CD33: variants seen among roughly 807,000 people sequenced by gnomAD.
CD33 encodes the protein myeloid cell surface antigen CD33.
CD33 carries 25 observed loss-of-function variants against 31.4 expected under a neutral mutation model. The observed-to-expected ratio is 0.80, with a 90% CI of 0.58 to 1.11. CD33 has a LOEUF of 1.11. Ranked by LOEUF, CD33 falls within the 50% of genes most tolerant of loss-of-function variation. The probability of loss-of-function intolerance (pLI) is 0.00; values close to 1 mark genes in which losing one functional copy is unlikely to be tolerated. For missense variants in CD33, 407 were observed against 448.1 expected (o/e 0.91, Z 0.83); for synonymous variants, 176 against 180.6 (o/e 0.97, Z 0.20).
At chr19:51,214,650 T>C in the CD33 span, among the ~76,000 whole-genome samples, 2 of 152,208 alleles carry the variant, frequency 1.3e-5, no homozygotes, top group East Asian at 3.8e-4. Context: ...TTTATTTAAG[T>C]CCTTTGTCCA....
At chr19:51,230,201 A>G (rs1353789966) in intron 4 of CD33, among the ~76,000 whole-genome samples, 2 of 150,930 alleles carry the variant, frequency 1.3e-5, no homozygotes, top group Non-Finnish European at 3.0e-5. Context: ...ATTGATTTTT[A>G]GTTTTATTCA....
intron 6 of CD33, chr19:51,237,960 T>C (rs1039288711): frequency 6.6e-6 from 1 of 152,256 alleles, no homozygotes; most frequent in Non-Finnish European, 1.5e-5. Context: ...CGGATACATC[T>C]TGAAGGTGGA....
At chr19:51,227,747 C>T (rs1308632720) in intron 4 of CD33, among the ~76,000 whole-genome samples, 1 of 152,012 alleles carries the variant, frequency 6.6e-6, no homozygotes, top group Non-Finnish European at 1.5e-5. Flanking sequence ...TTTACTTTTG[C>T]TTTTGTTGCT....
the CD33 span, among the ~76,000 whole-genome samples, chr19:51,214,669 T>C: frequency 6.6e-5 from 10 of 152,212 alleles, no homozygotes; most frequent in Non-Finnish European, 1.2e-4. Context: ...CATTTTTTCA[T>C]TGGATAATTT....
chr19:51,225,715 G>C lies in CD33; in HGVS notation c.419-88G>C, dbSNP rs141864348. On this transcript the variant is annotated intron_variant, in intron 2 of 6. Transcript: ENST00000262262. ...AGGGGTAAAGCCTGTCGTGCTTAGC[G>C]GGGGAGCTTGACCAGAGGTTGATCT... 4.9e-4 allele frequency: 757 copies of C among 1,540,378 alleles called. 1 individual carries two copies. In the African/African-American group the frequency reaches 9.0e-3, roughly 18 times the overall value.
At position 51,225,494 on chromosome 19, in the gene CD33, T is replaced by C. The variant is rs747751864; in HGVS notation, c.314T>C (p.Ile105Thr). The change falls in exon 2 of 7, where the codon ATC (isoleucine) becomes ACC (threonine). Residue 105 changes from isoleucine to threonine, a missense_variant. By Grantham distance (89) the Ile-to-Thr change is moderately conservative. Transcript: ENST00000262262. The stretch of plus-strand genomic sequence containing the variant: ...AGTAGGAACAACTGCTCCCTGAGCA[T>C]CGTAGACGCCAGGAGGAGGGATAAT... ...DPSRNNCSLSIVDARRRDNGS... is the reference protein window; with the variant it reads ...DPSRNNCSLSTVDARRRDNGS... 6.2e-7 allele frequency: 1 copy of C among 1,613,544 alleles called. No homozygotes were observed. Among genetic ancestry groups the C allele is most frequent in the Admixed American group, 1.7e-5 (1 of 59,990 alleles).
At chr19:51,217,254 T>G in the CD33 span, among the ~76,000 whole-genome samples, 13 of 152,240 alleles carry the variant, frequency 8.5e-5, no homozygotes, top group African/African-American at 3.1e-4. Context: ...GATGTGTTTT[T>G]GGATGTATTT....
upstream of CD33, among the ~76,000 whole-genome samples, chr19:51,223,658 C>T (rs1164555835): frequency 6.6e-6 from 1 of 152,166 alleles, no homozygotes; most frequent in Non-Finnish European, 1.5e-5. Context: ...CACACTGAAC[C>T]AAATGGCAGC....
At chr19:51,227,797 C>T (rs938413677) in intron 4 of CD33, among the ~76,000 whole-genome samples, 1 of 152,114 alleles carries the variant, frequency 6.6e-6, no homozygotes, top group Non-Finnish European at 1.5e-5. Flanking sequence ...TTTTTCCAGA[C>T]CAATGTCCTA....
At chr19:51,229,677 G>A (rs1285890403) in intron 4 of CD33, among the ~76,000 whole-genome samples, 1 of 151,864 alleles carries the variant, frequency 6.6e-6, no homozygotes, top group Non-Finnish European at 1.5e-5. Context: ...CAAATTTGTT[G>A]GCATATTGTT....
rs771769194 is a variant in CD33, at chr19:51,226,329, A to G, written c.718A>G (p.Thr240Ala). Reference protein sequence around the residue: ...NVTYVPQNPTTGIFPGDGSGK... With the variant: ...NVTYVPQNPTAGIFPGDGSGK... ...CCTAGATGTTCCACAGAACCCAACAACTGGTATCTTTCCAGGAGATGGCTC... is the reference window on the plus strand; with the variant it reads ...CCTAGATGTTCCACAGAACCCAACAGCTGGTATCTTTCCAGGAGATGGCTC... The change falls in exon 4 of 7, where the codon ACT (threonine) becomes GCT (alanine). Residue 240 changes from threonine to alanine, a missense_variant. Coordinates refer to ENST00000262262, the MANE Select transcript of CD33 (RefSeq NM_001772.4). The G allele has an allele frequency of 6.8e-6, 11 of 1,611,456 alleles. No individual in the cohort carries two copies. The highest frequency in any genetic ancestry group is 1.7e-5 in the Admixed American group (1 of 59,994).
rs751878040 is a variant in CD33 at position 51,225,170 on chromosome 19, G to A, written c.37+15G>A. The A allele has an allele frequency of 6.8e-6, 11 of 1,613,952 alleles. No homozygotes were observed. The Admixed American group carries it at 1.8e-4, about 27-fold the overall frequency. ...GCTGTGGGCAGGTGAGTGGCTGTGG[G>A]GAGAGGGGTTGTCGGGCTGGGCCGA... On this transcript the variant is annotated intron_variant, in intron 1 of 6. Transcript: ENST00000262262.
At chr19:51,228,445 T>C (rs1981184418) in intron 4 of CD33, among the ~76,000 whole-genome samples, 1 of 152,200 alleles carries the variant, frequency 6.6e-6, no homozygotes, top group African/African-American at 2.4e-5. Flanking sequence ...CTCAGTGTTT[T>C]GTAGTTTTTC....
chr19:51,233,383 T>G (rs992997927), intron 4 of CD33, among the ~76,000 whole-genome samples: 2 of 152,236 alleles, frequency 1.3e-5, no homozygotes, highest in Non-Finnish European at 2.9e-5. Flanking sequence ...TTGGTTTCTC[T>G]GCTGTTCAGG....
chr19:51,227,933 A>T (rs1004078640), intron 4 of CD33, among the ~76,000 whole-genome samples: 1 of 152,178 alleles, frequency 6.6e-6, no homozygotes, highest in Admixed American at 6.5e-5. Context: ...ATTCTTCTGC[A>T]TATGGCACCA....
At chr19:51,236,144 A>C in intron 6 of CD33, 2 of 393,908 alleles carry the variant, frequency 5.1e-6, no homozygotes, top group Non-Finnish European at 9.5e-6. Flanking sequence ...GGTGACAGAG[A>C]GAGACTCTGT....
At chr19:51,237,657 G>C (rs1399488993) in intron 6 of CD33, 2 of 152,280 alleles carry the variant, frequency 1.3e-5, no homozygotes, top group Non-Finnish European at 2.9e-5. Flanking sequence ...TGGGGGTGGA[G>C]TGTGGACTGA....
At chr19:51,230,210 C>T (rs529305092) in intron 4 of CD33, among the ~76,000 whole-genome samples, 2 of 148,934 alleles carry the variant, frequency 1.3e-5, no homozygotes, top group South Asian at 2.2e-4. Context: ...TAGTTTTATT[C>T]AATTGTAGTC....
the CD33 span, among the ~76,000 whole-genome samples, chr19:51,213,245 T>C: frequency 6.6e-6 from 1 of 152,000 alleles, no homozygotes; most frequent in Admixed American, 6.6e-5. Flanking sequence ...TTTTATTAGA[T>C]AAAAATTCAC....
Sources: gnomAD v4.1 joint callset for allele counts (sites outside exome capture counted in the v4.1 genomes callset) on GRCh38, gnomAD v4.1.1 for gene constraint, MANE v1.5 for transcripts, NCBI Gene and HGNC (gene_info 2026-07-23, HGNC 2026-07-21) for gene names.